The following TAF3 variants were observed in gnomAD, a reference collection of about 807,000 sequenced individuals.
The protein encoded by TAF3 is TATA-box binding protein associated factor 3.
In TAF3, 7 loss-of-function variants were observed where a neutral mutation model predicts 80.6. The observed-to-expected ratio is 0.09, with a 90% CI of 0.05 to 0.16. TAF3 has a LOEUF of 0.16. TAF3 is among the 10% of genes least tolerant of loss of function. The pLI is 1.00. For synonymous variants in TAF3, 444 were observed against 446.1 expected (o/e 1.00, Z 0.06); for missense variants, 921 against 1,140.2 (o/e 0.81, Z 2.77).
At position 7,895,117 on chromosome 10, in the gene TAF3, G is replaced by A. The variant is rs548472650; in HGVS notation, c.410-68803G>A. Among the ~76,000 whole-genome samples, 37 of 152,176 alleles carry A rather than the reference G, an allele frequency of 2.4e-4. No homozygotes were observed. The East Asian group carries it at 6.2e-3, about 25-fold the overall frequency. On this transcript the variant is annotated intron_variant, in intron 2 of 6. Coordinates refer to ENST00000344293, the MANE Select transcript of TAF3 (RefSeq NM_031923.4). ...TGACCTTGGGTGATCCGCCTGCCTC[G>A]GCCTCCCAAAGTGCTGGGATTACAG...
At chr10:7,969,857 C>T (rs571694997) in intron 3 of TAF3, among the ~76,000 whole-genome samples, 36 of 152,338 alleles carry the variant, frequency 2.4e-4, no homozygotes, top group African/African-American at 6.7e-4. Flanking sequence ...GCCACTTACT[C>T]GTTATTCACC....
intron 3 of TAF3, among the ~76,000 whole-genome samples, chr10:7,970,514 C>T (rs1831612300): frequency 6.6e-6 from 1 of 152,226 alleles, no homozygotes; most frequent in Non-Finnish European, 1.5e-5. Flanking sequence ...CCTTCTCAGC[C>T]ACTTACCTCA....
At chr10:7,925,014 CAAACTAT>C (rs1204210684) in intron 2 of TAF3, among the ~76,000 whole-genome samples, 1 of 152,166 alleles carries the variant, frequency 6.6e-6, no homozygotes, top group Non-Finnish European at 1.5e-5. Context: ...TTGTAAGGTT[CAAACTAT>C]ATAAATAATT....
At chr10:7,980,386 C>T (rs905161513) in intron 4 of TAF3, among the ~76,000 whole-genome samples, 2 of 152,112 alleles carry the variant, frequency 1.3e-5, no homozygotes, top group African/African-American at 4.8e-5. Flanking sequence ...TTCCTGTGTT[C>T]CCTATTATTG....
intron 2 of TAF3, among the ~76,000 whole-genome samples, chr10:7,910,025 A>G (rs1837642089): frequency 6.6e-6 from 1 of 152,198 alleles, no homozygotes; most frequent in Non-Finnish European, 1.5e-5. Flanking sequence ...CATAAATGCT[A>G]TGTAAATAGT....
chr10:7,969,236 A>G (rs1488661891), intron 3 of TAF3, among the ~76,000 whole-genome samples: 1 of 152,098 alleles, frequency 6.6e-6, no homozygotes, highest in Non-Finnish European at 1.5e-5. Flanking sequence ...TTGGGAGGCT[A>G]AGGCGGGAGG....
At position 7,845,684 on chromosome 10, in the gene TAF3, TGA is replaced by T. The variant is rs1836962728; in HGVS notation, c.409+21125_409+21126del. ...TGAAGGTGAGAGGTCTCATCTGAAA[TGA>T]AGATGAAGAGCCTTACTCCGTGTGG... On this transcript the variant is annotated intron_variant, in intron 2 of 6. Transcript: ENST00000344293. 6.6e-5 allele frequency among the ~76,000 whole-genome samples: 10 copies of T among 152,266 alleles called. 1 individual carries two copies. The highest frequency in any genetic ancestry group is 6.5e-4 in the Admixed American group (10 of 15,302).
Position 8,015,654 on chromosome 10 carries a change from A to G in TAF3, c.*903A>G, listed in dbSNP as rs1163618827. ...CAGAAACAAGGCTAGAGAAAAAGCC[A>G]TCGTTCAAAGAAATTTCCCTTGAGC... is the stretch of plus-strand genomic sequence containing the variant. On this transcript the variant is annotated 3_prime_UTR_variant, in exon 7 of 7. Coordinates refer to ENST00000344293, the MANE Select transcript of TAF3 (RefSeq NM_031923.4). 1 of 152,216 alleles carries G rather than the reference A, an allele frequency of 6.6e-6. No individual in the cohort carries two copies. Among genetic ancestry groups the G allele is most frequent in the Non-Finnish European group, 1.5e-5 (1 of 68,034 alleles). 9.4% of individuals were successfully genotyped at this position (152,216 alleles called of 1,614,324 possible).
intron 2 of TAF3, among the ~76,000 whole-genome samples, chr10:7,953,294 A>G (rs1018756610): frequency 6.6e-6 from 1 of 152,220 alleles, no homozygotes; most frequent in African/African-American, 2.4e-5. Flanking sequence ...CCTTTACCCA[A>G]ACACATAAAT....
chr10:7,846,580 G>A (rs1836974952), intron 2 of TAF3, among the ~76,000 whole-genome samples: 1 of 151,366 alleles, frequency 6.6e-6, no homozygotes, highest in Admixed American at 6.6e-5. Flanking sequence ...GAAAAGATTG[G>A]CATTTCATGA....
intron 4 of TAF3, 151 bp from the exon 5 acceptor site, chr10:8,008,927 C>A: frequency 1.8e-6 from 2 of 1,119,594 alleles, no homozygotes; most frequent in Non-Finnish European, 2.5e-6. Flanking sequence ...CCACTTCATG[C>A]AGGGCCTGGA....
intron 2 of TAF3, among the ~76,000 whole-genome samples, chr10:7,842,163 T>C (rs200710627): frequency 6.5e-4 from 59 of 90,460 alleles, no homozygotes; most frequent in Non-Finnish European, 1.1e-3. Flanking sequence ...TTTTTTTTTT[T>C]GTTTTTTTTT....
At chr10:7,885,159 A>G (rs1474554951) in intron 2 of TAF3, among the ~76,000 whole-genome samples, 1 of 152,002 alleles carries the variant, frequency 6.6e-6, no homozygotes, top group Non-Finnish European at 1.5e-5. Flanking sequence ...GATAGTGGTG[A>G]TGGTTGCATG....
At position 7,818,700 on chromosome 10, in the gene TAF3, A is replaced by T; in HGVS notation, c.-10A>T. The T allele has an allele frequency of 6.2e-7, 1 of 1,600,748 alleles. No homozygotes were observed. The highest frequency in any genetic ancestry group is 8.5e-7 in the Non-Finnish European group (1 of 1,175,392). On this transcript the variant is annotated 5_prime_UTR_variant, in exon 1 of 7. Coordinates refer to ENST00000344293, the MANE Select transcript of TAF3 (RefSeq NM_031923.4). Reference sequence around the variant, plus strand: ...GGCAGCAAGGGCTGCGGTGGCGTCCACGCAGCGGGATGTGCGAGAGTTACT... The same window carrying T: ...GGCAGCAAGGGCTGCGGTGGCGTCCTCGCAGCGGGATGTGCGAGAGTTACT...
intron 2 of TAF3, among the ~76,000 whole-genome samples, chr10:7,852,179 G>T (rs1837033326): frequency 1.3e-5 from 2 of 152,050 alleles, no homozygotes; most frequent in South Asian, 4.1e-4. Flanking sequence ...CGAATTCCTG[G>T]GCTCAAGAGA....
At chr10:7,981,883 C>CT (rs1317042737) in intron 4 of TAF3, among the ~76,000 whole-genome samples, 1 of 152,104 alleles carries the variant, frequency 6.6e-6, no homozygotes, top group African/African-American at 2.4e-5. Flanking sequence ...AGAGCTAAAG[C>CT]TTTGCTTGTT....
At chr10:7,893,936 G>A (rs1245552916) in intron 2 of TAF3, among the ~76,000 whole-genome samples, 1 of 152,106 alleles carries the variant, frequency 6.6e-6, no homozygotes, top group Non-Finnish European at 1.5e-5. Context: ...GGCAGAACCA[G>A]TCTGTTTCTC....
At chr10:7,838,421 G>T (rs1245814210) in intron 2 of TAF3, among the ~76,000 whole-genome samples, 1 of 151,952 alleles carries the variant, frequency 6.6e-6, no homozygotes. Context: ...TCACTCTGTT[G>T]CCCAGGCCAG....
At chr10:7,963,838 T>A in intron 2 of TAF3, 82 bp from the exon 3 acceptor site, 5 of 1,287,210 alleles carry the variant, frequency 3.9e-6, no homozygotes, top group African/African-American at 1.5e-5. Flanking sequence ...AGAAATCATA[T>A]TTGAAGCATT....
Sources: allele counts gnomAD v4.1 joint callset (sites outside exome capture counted in the v4.1 genomes callset), GRCh38; gene constraint gnomAD v4.1.1; transcripts MANE v1.5; gene names NCBI Gene and HGNC (gene_info 2026-07-23, HGNC 2026-07-21).